Variants in COLEC11 observed in about 807,000 individuals in gnomAD.
The protein encoded by COLEC11 is collectin-11.
COLEC11 carries 20 observed loss-of-function variants against 27.3 expected under a neutral mutation model. The ratio of observed to expected loss-of-function variants is 0.73; its 90% CI spans 0.51 to 1.06. The LOEUF (loss-of-function observed/expected upper bound fraction) is 1.06, where lower values mean the gene tolerates loss of function less well. COLEC11 is among the 50% of genes least tolerant of loss of function. The probability of loss-of-function intolerance (pLI) is 0.00; values close to 1 mark genes in which losing one functional copy is unlikely to be tolerated. For missense variants in COLEC11, 310 were observed against 383.0 expected (o/e 0.81, Z 1.59); for synonymous variants, 163 against 154.7 (o/e 1.05, Z -0.40).
intron 1 of COLEC11, 188 bp from the exon 2 acceptor site, chr2:3,604,127 G>T: frequency 1.5e-6 from 1 of 656,820 alleles, no homozygotes; most frequent in Non-Finnish European, 2.7e-6. Flanking sequence ...CCCTGGGGCT[G>T]CTGTGGAAGC....
intron 3 of COLEC11, among the ~76,000 whole-genome samples, chr2:3,629,011 C>T (rs547727753): frequency 5.8e-4 from 89 of 152,262 alleles, no homozygotes; most frequent in African/African-American, 1.9e-3. Context: ...ACGCAGCCAG[C>T]GGGAGGGGGC....
intron 2 of COLEC11, 104 bp from the exon 3 acceptor site, chr2:3,613,207 C>A: frequency 7.7e-7 from 1 of 1,295,796 alleles, no homozygotes; most frequent in Non-Finnish European, 1.1e-6. Flanking sequence ...TGGCCACCTG[C>A]AGGGACCCGG....
At chr2:3,629,918 G>T (rs1201460177) in intron 3 of COLEC11, among the ~76,000 whole-genome samples, 1 of 152,172 alleles carries the variant, frequency 6.6e-6, no homozygotes, top group Non-Finnish European at 1.5e-5. Flanking sequence ...ATGTGTATAT[G>T]GGCATGTTTA....
chr2:3,605,883 G>T (rs1662649515), intron 2 of COLEC11: 11 of 539,202 alleles, frequency 2.0e-5, no homozygotes, highest in Admixed American at 3.3e-5. Context: ...TCTGGCTGGG[G>T]GCTTTTTTCC....
intron 1 of COLEC11, among the ~76,000 whole-genome samples, chr2:3,599,831 C>T (rs1461509618): frequency 6.6e-6 from 1 of 152,200 alleles, no homozygotes; most frequent in Non-Finnish European, 1.5e-5. Flanking sequence ...CAGCACCCGT[C>T]AGTGGCATGC....
Position 3,637,529 on chromosome 2 carries a change from A to G in COLEC11, c.203-4A>G, listed in dbSNP as rs1452796390. 1.2e-6 allele frequency: 2 copies of G among 1,613,904 alleles called. No homozygotes were observed. Among genetic ancestry groups the G allele is most frequent in the South Asian group, 2.2e-5 (2 of 91,074 alleles). On this transcript the variant is annotated splice_region_variant and splice_polypyrimidine_tract_variant and intron_variant, in intron 3 of 6. Transcript: ENST00000349077. ...ACCAACTTTGCTCTTATTGTTTTCT[A>G]CAGGAGACATGGGGGACAAAGGACA...
intron 4 of COLEC11, among the ~76,000 whole-genome samples, chr2:3,639,890 G>T (rs899366045): frequency 6.6e-6 from 1 of 152,184 alleles, no homozygotes; most frequent in Non-Finnish European, 1.5e-5. Flanking sequence ...CCTGCGTGGC[G>T]CTCCCATCAT....
At chr2:3,611,918 C>T (rs992158556) in intron 2 of COLEC11, among the ~76,000 whole-genome samples, 4 of 147,636 alleles carry the variant, frequency 2.7e-5, no homozygotes, top group East Asian at 2.0e-4. Flanking sequence ...GGCAAGAGAC[C>T]GAGGGCACGA....
In COLEC11 at chr2:3,615,959, A is replaced by T. The variant is rs992840655; in HGVS notation, c.202+2577A>T. 7.9e-5 allele frequency among the ~76,000 whole-genome samples: 12 copies of T among 151,086 alleles called. 1 individual carries two copies. The highest frequency in any genetic ancestry group is 2.9e-4 in the African/African-American group (12 of 41,012). On this transcript the variant is annotated intron_variant, in intron 3 of 6. Transcript: ENST00000349077. ...CGGGTGGAGATGCTCCTCACTTCCC[A>T]GACGGGGCGGCTGCTGGGTGGAGGG...
chr2:3,644,450 A>T lies in COLEC11; in HGVS notation c.*332A>T. The T allele has an allele frequency of 1.9e-6, 1 of 531,604 alleles. No homozygotes were observed. The highest frequency in any genetic ancestry group is 3.6e-6 in the Non-Finnish European group (1 of 278,366). The allele number at this position is 531,604 out of a possible 1,614,324, so 32.9% of individuals were successfully genotyped here. A position where few individuals can be genotyped will look rare whatever the true frequency, so the allele number is the denominator to read the frequency against. ...AAAATCTTTAAGTAGTGCAGTAGTT[A>T]AGTCCAAATAGTGGCAATGGGGTCT... On this transcript the variant is annotated 3_prime_UTR_variant, in exon 7 of 7. Transcript: ENST00000349077.
intron 3 of COLEC11, among the ~76,000 whole-genome samples, chr2:3,615,118 T>A (rs1196216881): frequency 1.0e-5 from 1 of 97,760 alleles, no homozygotes; most frequent in Non-Finnish European, 2.3e-5. Flanking sequence ...CTTTTTTTTT[T>A]AAAGGGATTT....
chr2:3,603,342 G>A lies in COLEC11; in HGVS notation c.-26-973G>A, dbSNP rs182679442. The A allele has an allele frequency of 2.6e-4, 57 of 221,426 alleles. No individual in the cohort carries two copies. In the South Asian group the frequency reaches 3.2e-3, roughly 13 times the overall value. 13.7% of individuals were successfully genotyped at this position (221,426 alleles called of 1,614,324 possible). On this transcript the variant is annotated intron_variant, in intron 1 of 6. Coordinates refer to ENST00000349077, the MANE Select transcript of COLEC11 (RefSeq NM_024027.5). ...ATTATATTTTATTTTTTTTTGGGAC[G>A]GAGTCTCGCTGTCATGCAGGCTGGA...
At chr2:3,625,237 C>A (rs111984434) in intron 3 of COLEC11, among the ~76,000 whole-genome samples, 1 of 152,192 alleles carries the variant, frequency 6.6e-6, no homozygotes, top group Non-Finnish European at 1.5e-5. Flanking sequence ...GGCTCCGAGG[C>A]CTGTCCCCAC....
chr2:3,597,492 T>C (rs1407321858), intron 1 of COLEC11, among the ~76,000 whole-genome samples: 5 of 152,144 alleles, frequency 3.3e-5, no homozygotes, highest in African/African-American at 9.7e-5. Flanking sequence ...CTGCTCTGGG[T>C]TTCTCTGCTC....
intron 1 of COLEC11, chr2:3,603,827 G>A (rs1662421498): frequency 1.5e-6 from 1 of 656,342 alleles, no homozygotes; most frequent in African/African-American, 1.8e-5. Flanking sequence ...TGCCACCTAA[G>A]GAGATGTGGG....
At chr2:3,634,820 T>G (rs1229570059) in intron 3 of COLEC11, among the ~76,000 whole-genome samples, 1 of 151,926 alleles carries the variant, frequency 6.6e-6, no homozygotes, top group Non-Finnish European at 1.5e-5. Flanking sequence ...GGGCCCCCTC[T>G]GGTGTGGGGG....
intron 3 of COLEC11, among the ~76,000 whole-genome samples, chr2:3,624,827 CTCT>C (rs1664418824): frequency 6.6e-6 from 1 of 152,190 alleles, no homozygotes; most frequent in African/African-American, 2.4e-5. Context: ...TAGAAAGCTC[CTCT>C]TCTGCCATCC....
At chr2:3,626,910 A>G (rs747424618) in intron 3 of COLEC11, among the ~76,000 whole-genome samples, 6 of 152,150 alleles carry the variant, frequency 3.9e-5, no homozygotes, top group Non-Finnish European at 8.8e-5. Context: ...GCTGGGAACC[A>G]GGACCTCAGC....
intron 3 of COLEC11, among the ~76,000 whole-genome samples, chr2:3,613,979 T>TG (rs1663451957): frequency 3.5e-5 from 3 of 85,720 alleles, no homozygotes; most frequent in Admixed American, 1.5e-4. Context: ...TTTCTTTCTT[T>TG]CTTTTTTTTT....
Sources: gnomAD v4.1 joint callset for allele counts (sites outside exome capture counted in the v4.1 genomes callset) on GRCh38, gnomAD v4.1.1 for gene constraint, MANE v1.5 for transcripts, NCBI Gene and HGNC (gene_info 2026-07-23, HGNC 2026-07-21) for gene names.